ZNF91: variants seen among roughly 807,000 people sequenced by gnomAD.
The protein encoded by ZNF91 is zinc finger protein 91 (HPF7, HTF10).
In ZNF91, 7 loss-of-function variants were observed where a neutral mutation model predicts 12.6. That is an observed-to-expected ratio of 0.55 (90% CI 0.31 to 1.04). The LOEUF (loss-of-function observed/expected upper bound fraction) is 1.04. ZNF91 is among the 50% of genes least tolerant of loss of function. ZNF91 has a pLI of 0.05. For synonymous variants in ZNF91, 453 were observed against 462.6 expected, an observed-to-expected ratio of 0.98 and a Z score of 0.27; for missense variants, 1,217 against 1,385.4, an observed-to-expected ratio of 0.88 and a Z score of 1.93.
intron 1 of ZNF91, among the ~76,000 whole-genome samples, chr19:23,391,074 T>C (rs1479307914): frequency 1.3e-5 from 2 of 152,236 alleles, no homozygotes; most frequent in African/African-American, 4.8e-5. Context: ...CTGTGAGAAA[T>C]TGCCACACTG....
chr19:23,323,710 T>TTC (rs137924790), intron 1 of ZNF91, among the ~76,000 whole-genome samples: 48,482 of 144,762 alleles, frequency 0.33, 9,238 homozygotes, highest in African/African-American at 0.53. Flanking sequence ...CCTCTCCTCC[T>TTC]TCTTTTCTTC....
At position 23,362,442 on chromosome 19, in the gene ZNF91, C is replaced by A; in HGVS notation, c.537G>T (p.Lys179Asn). ...CACATTTTTTACATTTGAAGCATTTCTTTCCAGTATGTCTTATCGTATGTC... is the reference window on the plus strand; with the variant it reads ...CACATTTTTTACATTTGAAGCATTTATTTCCAGTATGTCTTATCGTATGTC... Reference protein sequence around the residue: ...SNRHTIRHTGKKCFKCKKCVK... With the variant: ...SNRHTIRHTGNKCFKCKKCVK... The change falls in exon 4 of 4, where the codon AAG (lysine) becomes AAT (asparagine). Residue 179 changes from lysine (K) to asparagine (N), a missense_variant. Physicochemically the swap from Lys to Asn is moderately conservative, Grantham distance 94 (BLOSUM62 0). Transcript: ENST00000300619. 1 of 1,613,774 alleles carries A rather than the reference C, an allele frequency of 6.2e-7. No individual in the cohort carries two copies. Among genetic ancestry groups the A allele is most frequent in the Non-Finnish European group, 8.5e-7 (1 of 1,179,908 alleles).
chr19:23,380,869 C>G (rs1260135060), intron 1 of ZNF91: 1 of 137,726 alleles, frequency 7.3e-6, no homozygotes, highest in African/African-American at 2.9e-5. Flanking sequence ...ACCACCAGCA[C>G]TTTTTGATTA....
At chr19:23,323,378 TTCC>T (rs1320143209) in intron 1 of ZNF91, among the ~76,000 whole-genome samples, 1 of 143,778 alleles carries the variant, frequency 7.0e-6, no homozygotes, top group Non-Finnish European at 1.5e-5. Context: ...TCCCTTCCTC[TTCC>T]TCCTACTCTC....
At chr19:23,384,498 C>T (rs960984681) in intron 1 of ZNF91, 47 of 900,506 alleles carry the variant, frequency 5.2e-5, no homozygotes, top group Middle Eastern at 4.8e-4. Context: ...CCCTTTCTTC[C>T]GCTTGCAAAA....
At position 23,359,116 on chromosome 19, in the gene ZNF91, T is replaced by C; in HGVS notation, c.*287A>G. The stretch of plus-strand genomic sequence containing the variant: ...GGATTTGCCACATTCTTCACATTTG[T>C]AGAGTTTTACTCCAGTATGAATTAC... On this transcript the variant is annotated 3_prime_UTR_variant, in exon 4 of 4. Transcript: ENST00000300619. 1 of 563,064 alleles carries C rather than the reference T, an allele frequency of 1.8e-6. No homozygotes were observed. The highest frequency in any genetic ancestry group is 3.4e-6 in the Non-Finnish European group (1 of 295,782). 34.9% of individuals were successfully genotyped at this position (563,064 alleles called of 1,614,324 possible). A position where few individuals can be genotyped will look rare whatever the true frequency, so the allele number is the denominator to read the frequency against.
chr19:23,340,335 T>C (rs980424434), intron 3 of ZNF91, among the ~76,000 whole-genome samples: 2 of 151,954 alleles, frequency 1.3e-5, no homozygotes, highest in African/African-American at 4.8e-5. Context: ...AAATCAGATA[T>C]AAAAGAACAG....
At chr19:23,349,505 C>T (rs1389016437) in intron 3 of ZNF91, among the ~76,000 whole-genome samples, 1 of 152,174 alleles carries the variant, frequency 6.6e-6, no homozygotes, top group African/African-American at 2.4e-5. Flanking sequence ...GAATTACCTC[C>T]CCTCCTTAAT....
At chr19:23,379,344 T>C (rs1190407449) in intron 1 of ZNF91, among the ~76,000 whole-genome samples, 1 of 152,196 alleles carries the variant, frequency 6.6e-6, no homozygotes, top group East Asian at 1.9e-4. Context: ...GTGTTTATAT[T>C]ATGTCTGGTA....
intron 3 of ZNF91, among the ~76,000 whole-genome samples, chr19:23,364,498 G>T (rs1034278558): frequency 8.6e-5 from 13 of 151,596 alleles, no homozygotes; most frequent in African/African-American, 1.9e-4. Context: ...AGCTTGCAAG[G>T]TAAAAACATT....
At chr19:23,353,489 C>A (rs1467286132), downstream of ZNF91, among the ~76,000 whole-genome samples, 1 of 152,004 alleles carries the variant, frequency 6.6e-6, no homozygotes, top group African/African-American at 2.4e-5. Context: ...GCCCTAAATG[C>A]CTACATCAAA....
intron 3 of ZNF91, among the ~76,000 whole-genome samples, chr19:23,343,277 A>G (rs1228886634): frequency 2.6e-5 from 4 of 152,216 alleles, no homozygotes; most frequent in Non-Finnish European, 1.5e-5. Flanking sequence ...TTGTTAAAAT[A>G]TGGATTCCAA....
chr19:23,335,786 GC>G (rs953761412), downstream of ZNF91, among the ~76,000 whole-genome samples: 2 of 152,146 alleles, frequency 1.3e-5, no homozygotes, highest in Non-Finnish European at 2.9e-5. Context: ...GTGAGGTGAT[GC>G]CCTACCCTGC....
Position 23,346,032 on chromosome 19 carries a change from A to C in ZNF91, c.254-6978T>G, listed in dbSNP as rs77278450. Among the ~76,000 whole-genome samples the C allele has an allele frequency of 6.3e-3, 952 of 151,700 alleles. 21 individuals carry two copies. The East Asian group carries it at 0.066, about 10-fold the overall frequency. On this transcript the variant is annotated intron_variant, in intron 3 of 3. Coordinates refer to the ZNF91 transcript ENST00000599743. Reference sequence around the variant, plus strand: ...AGGCGCCACCTTTAGCCCATGCCCCACTCTTACTTCAGCGGCTGTGCTACA... The same window carrying C: ...AGGCGCCACCTTTAGCCCATGCCCCCCTCTTACTTCAGCGGCTGTGCTACA...
At chr19:23,324,542 C>A (rs1267842063) in intron 1 of ZNF91, 1 of 150,798 alleles carries the variant, frequency 6.6e-6, no homozygotes, top group East Asian at 1.9e-4. Context: ...TACGTATATA[C>A]ATATGTATGT....
chr19:23,377,085 T>A (rs1415221507), intron 1 of ZNF91, among the ~76,000 whole-genome samples: 1 of 152,136 alleles, frequency 6.6e-6, no homozygotes, highest in Non-Finnish European at 1.5e-5. Flanking sequence ...TTCTCTTTTT[T>A]TTTTGTCCTC....
chr19:23,360,619 C>G lies in ZNF91; in HGVS notation c.2360G>C (p.Arg787Thr). 1 of 1,609,730 alleles carries G rather than the reference C, an allele frequency of 6.2e-7. No individual in the cohort carries two copies. The change falls in exon 4 of 4, where the codon AGA (arginine) becomes ACA (threonine). Residue 787 changes from arginine (R) to threonine (T), a missense_variant. This residue lies in a region of ZNF91 where 491 missense variants were observed against 489.8 expected (regional missense o/e 1.00). Coordinates refer to ENST00000300619, the MANE Select transcript of ZNF91 (RefSeq NM_003430.4). ...CTCTCCAGTGTGTATCCTCTTATGT[C>G]TAGTTAGGGTTGAAGACCATATAAA... ...KAFIWSSTLTRHKRIHTGEKP... is the reference protein window; with the variant it reads ...KAFIWSSTLTTHKRIHTGEKP...
rs1033976646 is a variant in ZNF91, at chr19:23,358,424, C to T, written c.*979G>A. On this transcript the variant is annotated 3_prime_UTR_variant, in exon 4 of 4. Coordinates refer to ENST00000300619, the MANE Select transcript of ZNF91 (RefSeq NM_003430.4). The stretch of plus-strand genomic sequence containing the variant: ...ATCATGCATCTTACATTTTTAATGT[C>T]CTTACCTTTCCATAGAAAAGGTCAT... 6.6e-6 allele frequency: 1 copy of T among 152,150 alleles called. No homozygotes were observed. Among genetic ancestry groups the T allele is most frequent in the Non-Finnish European group, 1.5e-5 (1 of 68,030 alleles). 9.4% of individuals were successfully genotyped at this position (152,150 alleles called of 1,614,324 possible).
chr19:23,323,667 TTC>T (rs1442184382), intron 1 of ZNF91, among the ~76,000 whole-genome samples: 2 of 131,462 alleles, frequency 1.5e-5, no homozygotes, highest in East Asian at 2.5e-4. Flanking sequence ...TCCTTTCCTC[TTC>T]TCTCCTCCTC....
Sources: allele counts gnomAD v4.1 joint callset (sites outside exome capture counted in the v4.1 genomes callset), GRCh38; gene constraint gnomAD v4.1.1; regional missense constraint gnomAD v4.1.1; transcripts MANE v1.5; gene names NCBI Gene and HGNC (gene_info 2026-07-23, HGNC 2026-07-21).